KCNT1: variants seen among roughly 807,000 people sequenced by gnomAD.
KCNT1 encodes potassium channel subfamily T member 1.
In KCNT1, 78 loss-of-function variants were observed where a neutral mutation model predicts 147.8. That is an observed-to-expected ratio of 0.53 (90% CI 0.44 to 0.64). The LOEUF (loss-of-function observed/expected upper bound fraction) is 0.64. Among genes scored for constraint, KCNT1 ranks in the 30% least tolerant of loss-of-function variants. KCNT1 has a pLI of 0.00. For missense variants in KCNT1, 1,419 were observed against 1,750.3 expected (o/e 0.81, Z 3.38); for synonymous variants, 867 against 748.8 (o/e 1.16, Z -2.58).
intron 2 of KCNT1, among the ~76,000 whole-genome samples, chr9:135,716,227 A>G (rs1372487857): frequency 6.6e-6 from 1 of 152,172 alleles, no homozygotes; most frequent in Non-Finnish European, 1.5e-5. Flanking sequence ...TCCTTCCGAT[A>G]TTGGGCAGGA....
intron 2 of KCNT1, among the ~76,000 whole-genome samples, chr9:135,729,199 G>A (rs540825103): frequency 7.4e-4 from 112 of 152,356 alleles, no homozygotes; most frequent in African/African-American, 2.4e-3. Context: ...CTACTCACAC[G>A]TGCCCTCTGA....
At chr9:135,787,483 C>T (rs900426581) in intron 29 of KCNT1, among the ~76,000 whole-genome samples, 1 of 152,226 alleles carries the variant, frequency 6.6e-6, no homozygotes, top group Non-Finnish European at 1.5e-5. Context: ...CTGCCTCTGT[C>T]CCGTCGGAGT....
intron 29 of KCNT1, among the ~76,000 whole-genome samples, chr9:135,787,522 T>A (rs1015692661): frequency 6.6e-6 from 1 of 152,162 alleles, no homozygotes; most frequent in African/African-American, 2.4e-5. Context: ...GCTTCCTGCG[T>A]CTGTCACCTG....
chr9:135,716,224 G>A (rs969769621), intron 2 of KCNT1, among the ~76,000 whole-genome samples: 19 of 152,216 alleles, frequency 1.2e-4, no homozygotes, highest in Admixed American at 1.2e-3. Flanking sequence ...AGATCCTTCC[G>A]ATATTGGGCA....
chr9:135,770,280 C>A lies in KCNT1; in HGVS notation c.1620-18C>A. The A allele has an allele frequency of 6.3e-7, 1 of 1,576,754 alleles. No individual in the cohort carries two copies. The highest frequency in any genetic ancestry group is 1.2e-5 in the South Asian group (1 of 86,170). On this transcript the variant is annotated intron_variant, in intron 16 of 30. Coordinates refer to ENST00000371757, the MANE Select transcript of KCNT1 (RefSeq NM_020822.3). ...ATGGCCGAGGGTGACGCTCCCCTGG[C>A]CCCGCCCTGGCCCACAGGGAGGGAC...
chr9:135,751,806 C>T (rs1831192527), intron 4 of KCNT1, among the ~76,000 whole-genome samples: 1 of 152,170 alleles, frequency 6.6e-6, no homozygotes. Flanking sequence ...CCCCAGGCCT[C>T]TCTCTCTGGC....
At chr9:135,768,383 G>C in intron 13 of KCNT1, 1 of 402,960 alleles carries the variant, frequency 2.5e-6, no homozygotes, top group South Asian at 5.2e-5. Flanking sequence ...CCACTGAGGG[G>C]GCACTGTGAC....
At chr9:135,731,987 TATATAGAGAGAGAGAGAGAGAG>T (rs1160523555) in intron 2 of KCNT1, among the ~76,000 whole-genome samples, 2 of 21,840 alleles carry the variant, frequency 9.2e-5, no homozygotes, top group Non-Finnish European at 1.7e-4. Flanking sequence ...TATATATATA[TATATAGAGAGAGAGAGAGAGAG>T]AGAGAGAGAG....
At chr9:135,748,898 G>T (rs1830989966) in intron 2 of KCNT1, among the ~76,000 whole-genome samples, 1 of 152,224 alleles carries the variant, frequency 6.6e-6, no homozygotes, top group African/African-American at 2.4e-5. Context: ...GCGCCCGAGG[G>T]CTAAGGCAGC....
intron 19 of KCNT1, among the ~76,000 whole-genome samples, chr9:135,774,789 C>T (rs78023316): frequency 2.0e-5 from 3 of 152,202 alleles, no homozygotes; most frequent in East Asian, 1.9e-4. Flanking sequence ...TGTGTTATGC[C>T]GAGGGCTGAC....
chr9:135,712,048 C>T, intron 1 of KCNT1, among the ~76,000 whole-genome samples: 1 of 152,224 alleles, frequency 6.6e-6, no homozygotes, highest in South Asian at 2.1e-4. Flanking sequence ...GGACTGAACT[C>T]ATGCCAGCGG....
Position 135,772,889 on chromosome 9 carries a change from T to A in KCNT1, c.2183T>A (p.Leu728Gln). 6.4e-7 allele frequency: 1 copy of A among 1,560,884 alleles called. No individual in the cohort carries two copies. The highest frequency in any genetic ancestry group is 1.9e-5 in the Admixed American group (1 of 52,348). The stretch of plus-strand genomic sequence containing the variant: ...TCAGCCCTGCTGCCCTGCGACCTGC[T>A]GAGCGACCAGTCGGAGGATGAGGTG... ...DSSALLPCDL[L>Q]SDQSEDEVTP... The change falls in exon 19 of 31, where the codon CTG (leucine) becomes CAG (glutamine). Residue 728 changes from leucine (L) to glutamine (Q), a missense_variant. Physicochemically the swap from Leu to Gln is moderately radical, Grantham distance 113 (BLOSUM62 -2). Around this residue, in one of 5 missense-constraint regions of KCNT1, gnomAD observed 284 missense variants for 292.8 expected, o/e 0.97. Transcript: ENST00000371757.
rs1205421723 is a variant in KCNT1, at chr9:135,714,976, G to C, written c.254+256G>C. Among the ~76,000 whole-genome samples the C allele has an allele frequency of 1.3e-5, 2 of 152,238 alleles. No homozygotes were observed. Among genetic ancestry groups the C allele is most frequent in the Non-Finnish European group, 2.9e-5 (2 of 68,038 alleles). On this transcript the variant is annotated intron_variant, in intron 2 of 30. Transcript: ENST00000371757. The surrounding 1 kb of genome is among the most constrained non-coding windows in gnomAD (Gnocchi z 6.2). ...AGTCTTCCAGAGCCCGACTTGGGGC[G>C]CGGAGGCGGAGGGCGGCCTGGCCTT...
rs1292390745 is a variant in KCNT1 at position 135,791,865 on chromosome 9, G to A, written c.3571G>A (p.Glu1191Lys). 8 of 1,613,782 alleles carry A rather than the reference G, an allele frequency of 5.0e-6. No individual in the cohort carries two copies. The highest frequency in any genetic ancestry group is 1.7e-5 in the Admixed American group (1 of 59,984). The part of the protein sequence containing the change: ...LINPPPDTRL[E>K]PSDIVYLIRS... ...CAACCCTCCGCCCGACACGAGGCTG[G>A]AGCCCAGTGACATTGTGTGAGTAGC... The change falls in exon 30 of 31, where the codon GAG (glutamate) becomes AAG (lysine). Residue 1191 changes from glutamate to lysine, a missense_variant. Transcript: ENST00000371757.
Position 135,772,802 on chromosome 9 carries a change from C to T in KCNT1, c.2096C>T (p.Thr699Met), listed in dbSNP as rs538197009. The change falls in exon 19 of 31, where the codon ACG becomes ATG. Residue 699 changes from threonine to methionine, a missense_variant. This residue lies in a region of KCNT1 where 284 missense variants were observed against 292.8 expected (regional missense o/e 0.97). Transcript: ENST00000371757. ...GGGGSKLALP[T>M]ENGSGSRRPS... is the part of the protein sequence containing the mutation. The stretch of plus-strand genomic sequence containing the variant: ...GGGGGCAGCAAGCTGGCACTGCCCA[C>T]GGAGAACGGCTCGGGCAGCCGGCGG... 39 of 1,514,220 alleles carry T rather than the reference C, an allele frequency of 2.6e-5. No homozygotes were observed. Among genetic ancestry groups the T allele is most frequent in the East Asian group, 7.5e-5 (3 of 39,798 alleles). The allele number at this position is 1,514,220 out of a possible 1,614,324, so 93.8% of individuals were successfully genotyped here.
chr9:135,757,081 C>G, intron 7 of KCNT1, 75 bp from the exon 8 acceptor site: 1 of 907,856 alleles, frequency 1.1e-6, no homozygotes, highest in Admixed American at 2.0e-5. Flanking sequence ...GCCCTCTTCC[C>G]CACCCTGCCC....
At chr9:135,757,437 C>T (rs984013413) in intron 9 of KCNT1, 56 bp downstream of exon 9, 28 of 1,514,076 alleles carry the variant, frequency 1.8e-5, no homozygotes, top group Non-Finnish European at 2.3e-5. Flanking sequence ...TCAGCCTCAC[C>T]GGCCCTGGAA....
chr9:135,738,873 T>C (rs1830446585), intron 2 of KCNT1, among the ~76,000 whole-genome samples: 1 of 152,108 alleles, frequency 6.6e-6, no homozygotes, highest in Non-Finnish European at 1.5e-5. Flanking sequence ...GGGAGCTGAT[T>C]AGACAGCGTG....
intron 2 of KCNT1, among the ~76,000 whole-genome samples, chr9:135,723,414 G>A (rs970535833): frequency 9.2e-5 from 14 of 152,248 alleles, no homozygotes; most frequent in Admixed American, 4.6e-4. Context: ...GGCCGGCGCC[G>A]GCATCCACTG....
Sources: allele counts gnomAD v4.1 joint callset (sites outside exome capture counted in the v4.1 genomes callset), GRCh38; gene constraint gnomAD v4.1.1; regional missense constraint gnomAD v4.1.1; non-coding constraint Gnocchi (gnomAD v3.1); transcripts MANE v1.5; gene names NCBI Gene and HGNC (gene_info 2026-07-23, HGNC 2026-07-21).